The following SNX9 variants were observed in gnomAD, a reference collection of about 807,000 sequenced individuals.
The protein encoded by SNX9 is sorting nexin 9.
In SNX9, 44 loss-of-function variants were observed where a neutral mutation model predicts 89.4. The observed-to-expected ratio is 0.49, with a 90% confidence interval of 0.39 to 0.63. SNX9 has a LOEUF of 0.63. SNX9 is among the 30% of genes least tolerant of loss of function. The pLI, the probability that SNX9 is intolerant of heterozygous loss-of-function variation, is 0.00. For synonymous variants in SNX9, 236 were observed against 247.8 expected (o/e 0.95, Z 0.45); for missense variants, 578 against 736.1 (o/e 0.79, Z 2.49).
At chr6:157,844,300 G>T (rs1781757737) in intron 1 of SNX9, among the ~76,000 whole-genome samples, 1 of 152,184 alleles carries the variant, frequency 6.6e-6, no homozygotes, top group South Asian at 2.1e-4. Flanking sequence ...GAGTTTTTAA[G>T]GACAATTTGG....
At chr6:157,829,799 G>C (rs928649184) in intron 1 of SNX9, among the ~76,000 whole-genome samples, 1 of 152,040 alleles carries the variant, frequency 6.6e-6, no homozygotes, top group Non-Finnish European at 1.5e-5. Context: ...AAAGCCAATA[G>C]CTGAATTTTA....
chr6:157,916,073 C>T (rs1783464917), intron 9 of SNX9, among the ~76,000 whole-genome samples: 3 of 150,428 alleles, frequency 2.0e-5, no homozygotes, highest in African/African-American at 4.9e-5. Flanking sequence ...CTCGCTCTGT[C>T]GCCCAGGCTG....
intron 4 of SNX9, among the ~76,000 whole-genome samples, chr6:157,875,879 G>A (rs1409292901): frequency 2.0e-5 from 3 of 152,220 alleles, no homozygotes; most frequent in East Asian, 1.9e-4. Context: ...AGTAGCTCAC[G>A]CCTGTAATCC....
chr6:157,841,236 A>G (rs1224942264), intron 1 of SNX9, among the ~76,000 whole-genome samples: 1 of 152,218 alleles, frequency 6.6e-6, no homozygotes, highest in Non-Finnish European at 1.5e-5. Flanking sequence ...GAATTAGATC[A>G]CTGGAATTTC....
chr6:157,881,555 C>G (rs1782624087), intron 4 of SNX9, among the ~76,000 whole-genome samples: 1 of 152,170 alleles, frequency 6.6e-6, no homozygotes, highest in Non-Finnish European at 1.5e-5. Flanking sequence ...GCCAGGTCCT[C>G]TTGAGCCAAA....
intron 7 of SNX9, among the ~76,000 whole-genome samples, chr6:157,907,429 G>A (rs992443165): frequency 3.1e-4 from 47 of 152,044 alleles, no homozygotes; most frequent in African/African-American, 1.1e-3. Flanking sequence ...TTACAGGCAT[G>A]CACCACCACG....
At chr6:157,940,741 TA>T in intron 16 of SNX9, 141 bp from the exon 17 acceptor site, 1 of 682,298 alleles carries the variant, frequency 1.5e-6, no homozygotes, top group Non-Finnish European at 2.5e-6. Flanking sequence ...AACCTCTTAG[TA>T]AAGTGATTTA....
chr6:157,827,270 T>C (rs10455916), intron 1 of SNX9, among the ~76,000 whole-genome samples: 13 of 80 alleles, frequency 0.16, no homozygotes, highest in Non-Finnish European at 0.17. Flanking sequence ...AAACATATAT[T>C]ATAGTTTATA....
chr6:157,828,840 CCT>C (rs943106821), intron 1 of SNX9, among the ~76,000 whole-genome samples: 9 of 152,142 alleles, frequency 5.9e-5, no homozygotes, highest in African/African-American at 2.2e-4. Flanking sequence ...TGTCCCCGCC[CCT>C]GTTTCAGGGT....
chr6:157,941,063 A>G, intron 17 of SNX9, 89 bp downstream of exon 17: 1 of 1,176,768 alleles, frequency 8.5e-7, no homozygotes, highest in Non-Finnish European at 1.3e-6. Context: ...ATCTGTTTGT[A>G]TTCTTTAATC....
At chr6:157,910,141 T>C in intron 9 of SNX9, 116 bp downstream of exon 9, 1 of 791,644 alleles carries the variant, frequency 1.3e-6, no homozygotes, top group East Asian at 2.5e-5. Context: ...ATGCAGGAGT[T>C]GGAAACAGTA....
intron 9 of SNX9, among the ~76,000 whole-genome samples, chr6:157,919,353 G>T (rs1235270400): frequency 2.0e-5 from 3 of 151,904 alleles, no homozygotes; most frequent in African/African-American, 7.3e-5. Context: ...ACAAGTGTTT[G>T]GTGTGCTTGA....
chr6:157,927,956 AC>A lies in SNX9; in HGVS notation c.1185-640del, dbSNP rs1256490276. Among the ~76,000 whole-genome samples, 5 of 148,064 alleles carry A rather than the reference AC, an allele frequency of 3.4e-5. No homozygotes were observed. The East Asian group carries it at 9.7e-4, about 29-fold the overall frequency. On this transcript the variant is annotated intron_variant, in intron 11 of 17. Coordinates refer to ENST00000392185, the MANE Select transcript of SNX9 (RefSeq NM_016224.5). ...ACACACACACACACACACACACATA[AC>A]CCTTCAACCACGCAGAGAGAAAATC...
At chr6:157,839,967 C>A (rs147401935) in intron 1 of SNX9, among the ~76,000 whole-genome samples, 14 of 152,252 alleles carry the variant, frequency 9.2e-5, no homozygotes, top group Non-Finnish European at 1.5e-4. Flanking sequence ...CCGGTTGTTT[C>A]ATGGTTTCAC....
At chr6:157,883,429 C>T (rs2115149739) in intron 4 of SNX9, among the ~76,000 whole-genome samples, 1 of 152,238 alleles carries the variant, frequency 6.6e-6, no homozygotes, top group Non-Finnish European at 1.5e-5. Context: ...CTGGAATAAT[C>T]ATTTGCTACA....
chr6:157,860,818 A>C (rs1782106127), intron 1 of SNX9, among the ~76,000 whole-genome samples: 1 of 152,230 alleles, frequency 6.6e-6, no homozygotes, highest in South Asian at 2.1e-4. Flanking sequence ...ATGTATTTTA[A>C]GTACTCAGAA....
intron 1 of SNX9, 71 bp from the exon 2 acceptor site, chr6:157,867,476 T>C (rs1350841034): frequency 8.0e-7 from 1 of 1,245,686 alleles, no homozygotes; most frequent in Admixed American, 1.7e-5. Flanking sequence ...GAAAGTGAAC[T>C]GTACACCTTT....
chr6:157,873,474 A>G (rs1311635652), intron 3 of SNX9, among the ~76,000 whole-genome samples: 1 of 148,060 alleles, frequency 6.8e-6, no homozygotes, highest in Admixed American at 6.8e-5. Context: ...AATATTATCT[A>G]TATTATAAAT....
Position 157,909,683 on chromosome 6 carries a change from A to T in SNX9, c.724A>T (p.Met242Leu), listed in dbSNP as rs370720997. 6.2e-7 allele frequency: 1 copy of T among 1,613,938 alleles called. No homozygotes were observed. The highest frequency in any genetic ancestry group is 1.3e-5 in the African/African-American group (1 of 74,928). ...GGCATAGGTTGGAGATTATGGCCCA[A>T]TGTGGGTTTATCCTACCTCTACTTT... ...IPIIVGDYGP[M>L]WVYPTSTFDC... Residue 242 changes from methionine (M) to leucine (L), a missense_variant, in exon 8 of 18, where the codon ATG becomes TTG. Coordinates refer to ENST00000392185, the MANE Select transcript of SNX9 (RefSeq NM_016224.5).
Sources: gnomAD v4.1 joint callset for allele counts (sites outside exome capture counted in the v4.1 genomes callset) on GRCh38, gnomAD v4.1.1 for gene constraint, MANE v1.5 for transcripts, NCBI Gene and HGNC (gene_info 2026-07-23, HGNC 2026-07-21) for gene names.